Variants in TMEM117 observed in about 807,000 individuals in gnomAD.
The protein encoded by TMEM117 is transmembrane protein 117.
TMEM117 carries 27 observed loss-of-function variants against 52.4 expected under a neutral mutation model. The observed-to-expected ratio is 0.51, with a 90% CI of 0.38 to 0.71. The LOEUF (loss-of-function observed/expected upper bound fraction) is 0.71. Ranked by LOEUF, TMEM117 falls within the 30% of genes least tolerant of loss-of-function variation. The pLI is 0.00. For synonymous variants in TMEM117, 215 were observed against 206.3 expected, an observed-to-expected ratio of 1.04 and a Z score of -0.36; for missense variants, 556 against 630.5, an observed-to-expected ratio of 0.88 and a Z score of 1.26.
intron 3 of TMEM117, among the ~76,000 whole-genome samples, chr12:43,975,763 C>T (rs1945661356): frequency 6.6e-6 from 1 of 152,200 alleles, no homozygotes; most frequent in Non-Finnish European, 1.5e-5. Flanking sequence ...GGGAACATTG[C>T]TTTTATCCAT....
chr12:44,221,776 G>A (rs1170485090), intron 5 of TMEM117, among the ~76,000 whole-genome samples: 1 of 151,726 alleles, frequency 6.6e-6, no homozygotes, highest in Non-Finnish European at 1.5e-5. Flanking sequence ...GCGGCTCACT[G>A]CAACCTCCAT....
At chr12:43,894,943 A>G (rs537334774) in intron 2 of TMEM117, among the ~76,000 whole-genome samples, 1 of 152,290 alleles carries the variant, frequency 6.6e-6, no homozygotes, top group Non-Finnish European at 1.5e-5. Context: ...ATTATTGCAT[A>G]TGTACTAAGT....
intron 3 of TMEM117, among the ~76,000 whole-genome samples, chr12:44,038,008 C>T (rs962040625): frequency 3.9e-5 from 6 of 152,102 alleles, no homozygotes; most frequent in African/African-American, 1.4e-4. Context: ...GGGAGCTACC[C>T]ACTGAGGGTC....
chr12:44,010,014 C>T (rs764702021), intron 3 of TMEM117: 11 of 332,292 alleles, frequency 3.3e-5, no homozygotes, highest in Non-Finnish European at 5.4e-5. Context: ...GCCCTCAGGC[C>T]GAGATACTCT....
intron 3 of TMEM117, among the ~76,000 whole-genome samples, chr12:44,041,477 T>G (rs1373020151): frequency 6.6e-6 from 1 of 151,978 alleles, no homozygotes; most frequent in African/African-American, 2.4e-5. Flanking sequence ...TGTTTTTCCT[T>G]TCCTTCCAAC....
chr12:43,863,239 C>T (rs1943520892), intron 2 of TMEM117, among the ~76,000 whole-genome samples: 1 of 149,674 alleles, frequency 6.7e-6, no homozygotes, highest in African/African-American at 2.4e-5. Flanking sequence ...AAGCGAAACT[C>T]TGTCTCAAAA....
chr12:44,322,009 G>T (rs926649088), intron 6 of TMEM117, among the ~76,000 whole-genome samples: 1 of 152,182 alleles, frequency 6.6e-6, no homozygotes, highest in African/African-American at 2.4e-5. Flanking sequence ...CATAAAATGA[G>T]ATTTTTTTCT....
downstream of TMEM117, among the ~76,000 whole-genome samples, chr12:44,391,381 C>A (rs1952161098): frequency 6.6e-6 from 1 of 152,274 alleles, no homozygotes; most frequent in South Asian, 2.1e-4. Context: ...TTTAGCATAG[C>A]TGAGATCACC....
chr12:44,304,176 CTA>C (rs1261502447), intron 6 of TMEM117, among the ~76,000 whole-genome samples: 6 of 152,212 alleles, frequency 3.9e-5, no homozygotes, highest in African/African-American at 1.4e-4. Context: ...GGCACAGAAT[CTA>C]TGTGCTTAGG....
At chr12:43,904,968 AC>A in intron 2 of TMEM117, among the ~76,000 whole-genome samples, 1 of 152,216 alleles carries the variant, frequency 6.6e-6, no homozygotes, top group Middle Eastern at 3.4e-3. Flanking sequence ...ACAAGGAGAA[AC>A]CCTGTCTCTA....
intron 6 of TMEM117, among the ~76,000 whole-genome samples, chr12:44,361,634 A>C (rs1262303513): frequency 2.0e-5 from 3 of 152,194 alleles, no homozygotes; most frequent in African/African-American, 7.2e-5. Flanking sequence ...TGTGCTAAGG[A>C]CTGAGAGAGA....
intron 3 of TMEM117, among the ~76,000 whole-genome samples, chr12:44,056,296 A>T (rs1443542893): frequency 1.3e-5 from 2 of 152,120 alleles, no homozygotes; most frequent in East Asian, 3.8e-4. Context: ...GCTTTTTGTA[A>T]TGTGCCACTG....
intron 6 of TMEM117, among the ~76,000 whole-genome samples, chr12:44,351,442 T>C (rs959895009): frequency 6.6e-6 from 1 of 152,044 alleles, no homozygotes; most frequent in African/African-American, 2.4e-5. Context: ...CAGACCAATG[T>C]CTTGGTGATT....
At chr12:44,054,897 C>T (rs1947030288) in intron 3 of TMEM117, among the ~76,000 whole-genome samples, 1 of 152,010 alleles carries the variant, frequency 6.6e-6, no homozygotes, top group Non-Finnish European at 1.5e-5. Context: ...CCCACCTTCC[C>T]CACCCCACGA....
rs560245779 is a variant in TMEM117, at chr12:44,028,314, GT to G, written c.410+83975del. 2.7e-3 allele frequency among the ~76,000 whole-genome samples: 404 copies of G among 152,312 alleles called. 4 individuals are homozygous for G. Among genetic ancestry groups the G allele is most frequent in the African/African-American group, 9.1e-3 (380 of 41,570 alleles). On this transcript the variant is annotated intron_variant, in intron 3 of 7. Coordinates refer to ENST00000266534, the MANE Select transcript of TMEM117 (RefSeq NM_032256.3). ...TGAATGAATGAATGAGCAAATCAGT[GT>G]TTAAGCTTAACGTTATTTTGTCAGA... is the stretch of plus-strand genomic sequence containing the variant.
intron 5 of TMEM117, among the ~76,000 whole-genome samples, chr12:44,232,921 A>C (rs1426721699): frequency 6.6e-6 from 1 of 151,030 alleles, no homozygotes; most frequent in East Asian, 1.9e-4. Context: ...TTTTTTTAAT[A>C]GTTTTCTTTC....
rs546087272 is a variant in TMEM117, at chr12:44,245,582, CG to C, written c.608+34196del. 1.6e-3 allele frequency among the ~76,000 whole-genome samples: 244 copies of C among 150,114 alleles called. 2 individuals carry two copies. Among genetic ancestry groups the C allele is most frequent in the African/African-American group, 5.5e-3 (224 of 40,916 alleles). On this transcript the variant is annotated intron_variant, in intron 5 of 7. Coordinates refer to ENST00000266534, the MANE Select transcript of TMEM117 (RefSeq NM_032256.3). ...TAACTGAATTATTTATCAGTTCTAACGTTTTTTTTTTTGTTGGAGTCTTTAG... is the reference window on the plus strand; with the variant it reads ...TAACTGAATTATTTATCAGTTCTAACTTTTTTTTTTTGTTGGAGTCTTTAG...
intron 5 of TMEM117, among the ~76,000 whole-genome samples, chr12:44,243,570 G>T (rs1295161274): frequency 1.3e-5 from 2 of 151,706 alleles, no homozygotes; most frequent in African/African-American, 4.8e-5. Context: ...GTATATCATA[G>T]AATCATTAAA....
chr12:44,096,637 G>T (rs1947768970), intron 3 of TMEM117, among the ~76,000 whole-genome samples: 1 of 151,706 alleles, frequency 6.6e-6, no homozygotes, highest in African/African-American at 2.4e-5. Flanking sequence ...TTAATAAATG[G>T]TGCTGGGAAA....
Sources: allele counts gnomAD v4.1 joint callset (sites outside exome capture counted in the v4.1 genomes callset), GRCh38; gene constraint gnomAD v4.1.1; transcripts MANE v1.5; gene names NCBI Gene and HGNC (gene_info 2026-07-23, HGNC 2026-07-21).